Variants in NALF1 observed in about 807,000 individuals in gnomAD.
NALF1 encodes family with sequence similarity 155 member A.
A neutral mutation model predicts 48.4 loss-of-function variants in NALF1; 3 were observed. The ratio of observed to expected loss-of-function variants is 0.06; its 90% confidence interval spans 0.03 to 0.16. The LOEUF is 0.16. Ranked by LOEUF, NALF1 falls within the 10% of genes least tolerant of loss-of-function variation. NALF1 has a pLI of 1.00. For missense variants in NALF1, 526 were observed against 571.5 expected (o/e 0.92, Z 0.81); for synonymous variants, 262 against 245.7 (o/e 1.07, Z -0.62).
At chr13:107,480,669 T>C (rs1434683807) in intron 1 of NALF1, among the ~76,000 whole-genome samples, 1 of 152,200 alleles carries the variant, frequency 6.6e-6, no homozygotes, top group Non-Finnish European at 1.5e-5. Flanking sequence ...TGTCCTGGGA[T>C]ACATGCGGCC....
chr13:107,783,404 G>GT (rs1388180858), intron 1 of NALF1, among the ~76,000 whole-genome samples: 1 of 152,172 alleles, frequency 6.6e-6, no homozygotes, highest in Non-Finnish European at 1.5e-5. Flanking sequence ...GACAATGGTG[G>GT]TTTTGTGGAA....
intron 1 of NALF1, among the ~76,000 whole-genome samples, chr13:107,541,020 G>T (rs976520076): frequency 1.3e-5 from 2 of 151,944 alleles, no homozygotes; most frequent in African/African-American, 4.8e-5. Context: ...TTATTAACAA[G>T]AATATTAAAT....
At chr13:107,700,088 A>G (rs1025827361) in intron 1 of NALF1, among the ~76,000 whole-genome samples, 2 of 152,022 alleles carry the variant, frequency 1.3e-5, no homozygotes, top group Non-Finnish European at 2.9e-5. Context: ...ACAAAGTAAT[A>G]TATAGATTCA....
chr13:107,554,192 TGC>T (rs1188599027), intron 1 of NALF1, among the ~76,000 whole-genome samples: 3 of 152,176 alleles, frequency 2.0e-5, no homozygotes, highest in Non-Finnish European at 4.4e-5. Context: ...CTCGAGGCTG[TGC>T]CACAAGATGC....
intron 2 of NALF1, among the ~76,000 whole-genome samples, chr13:107,187,662 C>A (rs61967586): frequency 2.0e-3 from 307 of 152,264 alleles, no homozygotes; most frequent in Non-Finnish European, 3.4e-3. Flanking sequence ...AGCTCAGATG[C>A]CTGCTTATCA....
chr13:107,724,259 T>G (rs2138530060), intron 1 of NALF1, among the ~76,000 whole-genome samples: 1 of 152,296 alleles, frequency 6.6e-6, no homozygotes, highest in African/African-American at 2.4e-5. Flanking sequence ...ATTCTTCACT[T>G]TTATTGTTCC....
chr13:107,786,848 A>G (rs561469747), intron 1 of NALF1, among the ~76,000 whole-genome samples: 10 of 152,236 alleles, frequency 6.6e-5, no homozygotes, highest in Non-Finnish European at 1.2e-4. Context: ...TGACTATGAA[A>G]CTCACTGAAA....
intron 1 of NALF1, among the ~76,000 whole-genome samples, chr13:107,376,975 T>C (rs1024073960): frequency 2.0e-5 from 3 of 152,182 alleles, no homozygotes; most frequent in African/African-American, 7.2e-5. Context: ...ACTGCCTTCA[T>C]TCTCTGGCCG....
intron 1 of NALF1, among the ~76,000 whole-genome samples, chr13:107,592,863 T>C (rs1432082496): frequency 1.3e-5 from 2 of 151,914 alleles, no homozygotes; most frequent in African/African-American, 4.8e-5. Context: ...ATGCAAATCA[T>C]CTGTTCTTTC....
At chr13:107,747,387 T>C (rs1003353501) in intron 1 of NALF1, among the ~76,000 whole-genome samples, 10 of 152,202 alleles carry the variant, frequency 6.6e-5, no homozygotes, top group African/African-American at 2.4e-4. Context: ...GATGGGATCT[T>C]ACTTCCACTA....
intron 1 of NALF1, among the ~76,000 whole-genome samples, chr13:107,668,371 C>T (rs975256476): frequency 5.3e-5 from 8 of 151,888 alleles, no homozygotes; most frequent in African/African-American, 1.7e-4. Flanking sequence ...GGTAGTTTTG[C>T]TCCTGTTGTC....
intron 1 of NALF1, among the ~76,000 whole-genome samples, chr13:107,588,071 A>C (rs1228179625): frequency 6.6e-6 from 1 of 152,160 alleles, no homozygotes; most frequent in Non-Finnish European, 1.5e-5. Context: ...CCATCTATGA[A>C]GGACTGTTCT....
intron 1 of NALF1, among the ~76,000 whole-genome samples, chr13:107,820,063 T>C (rs1879321389): frequency 6.6e-6 from 1 of 152,198 alleles, no homozygotes; most frequent in Non-Finnish European, 1.5e-5. Flanking sequence ...AGCCCATTTC[T>C]TGTGACCCAG....
intron 1 of NALF1, among the ~76,000 whole-genome samples, chr13:107,760,616 C>T (rs1877236658): frequency 6.6e-6 from 1 of 152,146 alleles, no homozygotes; most frequent in African/African-American, 2.4e-5. Context: ...TTGTAATATC[C>T]TATGATTTCT....
intron 1 of NALF1, among the ~76,000 whole-genome samples, chr13:107,361,699 C>T (rs964946216): frequency 2.0e-5 from 3 of 152,152 alleles, no homozygotes; most frequent in African/African-American, 7.2e-5. Flanking sequence ...GAGTCTACAA[C>T]TTTTTATTTA....
At chr13:107,473,243 G>A (rs936808045) in intron 1 of NALF1, among the ~76,000 whole-genome samples, 5 of 151,016 alleles carry the variant, frequency 3.3e-5, no homozygotes, top group Admixed American at 6.6e-5. Flanking sequence ...CAGCGCCAGG[G>A]TCCTGGAAAG....
chr13:107,806,764 C>T (rs73587716), intron 1 of NALF1, among the ~76,000 whole-genome samples: 7,376 of 152,136 alleles, frequency 0.048, 352 homozygotes, highest in African/African-American at 0.13. Context: ...CTACAAGAAA[C>T]GGAAAACAGA....
intron 2 of NALF1, among the ~76,000 whole-genome samples, chr13:107,180,486 T>G (rs1269669275): frequency 6.6e-6 from 1 of 152,094 alleles, no homozygotes; most frequent in Non-Finnish European, 1.5e-5. Flanking sequence ...TTCAAATGTT[T>G]AAATTAGTAA....
intron 1 of NALF1, among the ~76,000 whole-genome samples, chr13:107,380,512 C>T (rs1035187576): frequency 1.3e-5 from 2 of 152,124 alleles, no homozygotes; most frequent in African/African-American, 2.4e-5. Flanking sequence ...GACATCAGAG[C>T]GATCTCCTTC....
Sources: allele counts gnomAD v4.1 joint callset (sites outside exome capture counted in the v4.1 genomes callset), GRCh38; gene constraint gnomAD v4.1.1; transcripts MANE v1.5; gene names NCBI Gene and HGNC (gene_info 2026-07-23, HGNC 2026-07-21).